Variants in DNAH7 observed in about 807,000 individuals in gnomAD.
DNAH7 encodes axonemal beta dynein heavy chain 7.
In DNAH7, 397 loss-of-function variants were observed where a neutral mutation model predicts 444.6. The observed-to-expected ratio is 0.89, with a 90% CI of 0.82 to 0.97. The LOEUF (loss-of-function observed/expected upper bound fraction) is 0.97, where lower values mean the gene tolerates loss of function less well. Ranked by LOEUF, DNAH7 falls within the 50% of genes least tolerant of loss-of-function variation. The probability of loss-of-function intolerance (pLI) is 0.00; values close to 1 mark genes in which losing one functional copy is unlikely to be tolerated. For synonymous variants in DNAH7, 1,636 were observed against 1,624.4 expected (o/e 1.01, Z -0.17); for missense variants, 4,902 against 4,800.8 (o/e 1.02, Z -0.62).
chr2:195,976,568 T>C (rs180678429), intron 15 of DNAH7, among the ~76,000 whole-genome samples: 22 of 152,094 alleles, frequency 1.4e-4, no homozygotes, highest in African/African-American at 4.8e-4. Flanking sequence ...CCTAGGGCCT[T>C]GAATAAACAC....
At chr2:196,013,256 GA>G (rs1694824624) in intron 9 of DNAH7, among the ~76,000 whole-genome samples, 1 of 152,084 alleles carries the variant, frequency 6.6e-6, no homozygotes, top group African/African-American at 2.4e-5. Flanking sequence ...GCTCTGAAAA[GA>G]AAAAATTGCA....
chr2:195,970,028 A>G lies in DNAH7; in HGVS notation c.2125T>C (p.Phe709Leu), dbSNP rs1691739748. The G allele has an allele frequency of 6.2e-7, 1 of 1,613,060 alleles. No homozygotes were observed. Among genetic ancestry groups the G allele is most frequent in the South Asian group, 1.1e-5 (1 of 90,888 alleles). Residue 709 changes from phenylalanine (F) to leucine (L), a missense_variant, in exon 17 of 65, where the codon TTT becomes CTT. Coordinates refer to ENST00000312428, the MANE Select transcript of DNAH7 (RefSeq NM_018897.3). ...CGCTGAACATCCTGAAGATCTCCAA[A>G]TGAATAAAATTCTTCTGATTGCTTA... Reference protein sequence around the residue: ...YAKQSEEFYSFGDLQDVQRYL... With the variant: ...YAKQSEEFYSLGDLQDVQRYL...
At chr2:195,973,453 T>G (rs1016176370) in intron 15 of DNAH7, among the ~76,000 whole-genome samples, 7 of 152,072 alleles carry the variant, frequency 4.6e-5, no homozygotes, top group African/African-American at 1.7e-4. Flanking sequence ...ATACAGTTTT[T>G]TTTGTTTGTT....
rs11894718 is a variant in DNAH7, at chr2:195,742,091, A to G, written c.11765-1222T>C. On this transcript the variant is annotated intron_variant, in intron 63 of 64. Transcript: ENST00000312428. The stretch of plus-strand genomic sequence containing the variant: ...ACAAAGCACTTGTCCAATAACTGCC[A>G]GTGTATAACTCTGGTAAAGCTGGAT... Among the ~76,000 whole-genome samples the G allele has an allele frequency of 2.3e-3, 348 of 152,306 alleles. 1 individual carries two copies. Among genetic ancestry groups the G allele is most frequent in the African/African-American group, 7.8e-3 (324 of 41,566 alleles).
intron 24 of DNAH7, among the ~76,000 whole-genome samples, chr2:195,916,290 G>T (rs1268643009): frequency 6.6e-6 from 1 of 152,136 alleles, no homozygotes; most frequent in Non-Finnish European, 1.5e-5. Context: ...TGAAAAATTG[G>T]ACTCATAAAG....
rs371864557 is a variant in DNAH7 at position 195,740,856 on chromosome 2, G to C, written c.11778C>G (p.His3926Gln). Residue 3926 changes from histidine (H) to glutamine (Q), a missense_variant, in exon 64 of 65, where the codon CAC becomes CAG. His to Gln is a conservative substitution (Grantham distance 24). Coordinates refer to ENST00000312428, the MANE Select transcript of DNAH7 (RefSeq NM_018897.3). The stretch of plus-strand genomic sequence containing the variant: ...AGGAAGCTCCATCCAGAAATAATCC[G>C]TGAATGAAAACACCTAAATATAAAA... The part of the protein sequence containing the change: ...KHPPEDGVFI[H>Q]GLFLDGASWN... The C allele has an allele frequency of 6.5e-7, 1 of 1,541,260 alleles. No individual in the cohort carries two copies. The highest frequency in any genetic ancestry group is 2.4e-5 in the East Asian group (1 of 42,084).
intron 21 of DNAH7, among the ~76,000 whole-genome samples, chr2:195,934,276 G>A (rs1299100845): frequency 2.0e-5 from 3 of 152,182 alleles, no homozygotes; most frequent in Admixed American, 6.6e-5. Flanking sequence ...CAAGACTAAA[G>A]AGAGACTGCA....
Position 195,851,683 on chromosome 2 carries a change from T to C in DNAH7, c.8781+1660A>G, listed in dbSNP as rs998260323. ...AGGGCCTGGTTGGGAGGATGGTACA[T>C]CTAGCTCTCCAAGCACTGGGTAAAG... On this transcript the variant is annotated intron_variant, in intron 46 of 64. Coordinates refer to ENST00000312428, the MANE Select transcript of DNAH7 (RefSeq NM_018897.3). 3.9e-5 allele frequency among the ~76,000 whole-genome samples: 6 copies of C among 152,132 alleles called. No individual in the cohort carries two copies. The South Asian group carries it at 1.2e-3, about 32-fold the overall frequency.
At chr2:196,014,796 CTTT>C (rs533381721) in intron 9 of DNAH7, among the ~76,000 whole-genome samples, 2 of 152,090 alleles carry the variant, frequency 1.3e-5, no homozygotes, top group Admixed American at 6.6e-5. Context: ...TGCCGTCCTC[CTTT>C]TTTTGTAACT....
chr2:196,032,218 A>G (rs988627191), intron 5 of DNAH7, among the ~76,000 whole-genome samples: 1 of 152,210 alleles, frequency 6.6e-6, no homozygotes, highest in Admixed American at 6.5e-5. Flanking sequence ...CCATGAGAAC[A>G]GTACGGGAGA....
chr2:195,932,997 C>G (rs1350965636), intron 21 of DNAH7, among the ~76,000 whole-genome samples: 7 of 152,126 alleles, frequency 4.6e-5, no homozygotes. Context: ...AGGAATGGTA[C>G]CAGCTCCTCC....
chr2:195,875,026 A>G (rs1345757501), intron 38 of DNAH7, among the ~76,000 whole-genome samples: 2 of 152,236 alleles, frequency 1.3e-5, no homozygotes, highest in African/African-American at 2.4e-5. Context: ...GGAAGAAAAC[A>G]GTTAAAGATT....
At chr2:195,793,033 G>A (rs774070455) in intron 57 of DNAH7, among the ~76,000 whole-genome samples, 17 of 152,038 alleles carry the variant, frequency 1.1e-4, no homozygotes, top group Non-Finnish European at 5.9e-5. Flanking sequence ...GGGCTCCAGC[G>A]ATCCTCCCTC....
At chr2:195,917,172 C>A (rs568080495) in intron 24 of DNAH7, among the ~76,000 whole-genome samples, 59 of 136,748 alleles carry the variant, frequency 4.3e-4, no homozygotes, top group African/African-American at 1.3e-3. Context: ...GATTCCATCT[C>A]AAAAAAAAAA....
chr2:196,005,448 A>G (rs1019918510), intron 10 of DNAH7, among the ~76,000 whole-genome samples: 1 of 152,050 alleles, frequency 6.6e-6, no homozygotes, highest in Non-Finnish European at 1.5e-5. Flanking sequence ...CAGATCAACA[A>G]AACTCATGAA....
At chr2:195,800,558 A>G (rs1237763463) in intron 54 of DNAH7, among the ~76,000 whole-genome samples, 3 of 152,212 alleles carry the variant, frequency 2.0e-5, no homozygotes, top group East Asian at 1.9e-4. Context: ...ATTAAATGCT[A>G]TATTAGTAAC....
intron 8 of DNAH7, among the ~76,000 whole-genome samples, chr2:196,022,813 T>C (rs1406680401): frequency 6.6e-6 from 1 of 152,178 alleles, no homozygotes; most frequent in Admixed American, 6.5e-5. Context: ...TTCCAGAAAG[T>C]TTTCAATTCA....
chr2:196,008,047 A>C (rs1164707225), intron 10 of DNAH7, among the ~76,000 whole-genome samples: 1 of 152,198 alleles, frequency 6.6e-6, no homozygotes, highest in East Asian at 1.9e-4. Context: ...AAGAACTCTT[A>C]AATCTCAACA....
chr2:195,777,686 A>T, intron 59 of DNAH7, 114 bp downstream of exon 59: 2 of 1,073,356 alleles, frequency 1.9e-6, no homozygotes, highest in Non-Finnish European at 2.7e-6. Context: ...GAAAGCACAG[A>T]CAAGGGTAAC....
Sources: allele counts gnomAD v4.1 joint callset (sites outside exome capture counted in the v4.1 genomes callset), GRCh38; gene constraint gnomAD v4.1.1; transcripts MANE v1.5; gene names NCBI Gene and HGNC (gene_info 2026-07-23, HGNC 2026-07-21).